The following KCNMB2 variants were observed in gnomAD, a reference collection of about 807,000 sequenced individuals.
KCNMB2 encodes the protein potassium calcium-activated channel subfamily M regulatory beta subunit 2.
A neutral mutation model predicts 24.5 loss-of-function variants in KCNMB2; 9 were observed. The observed-to-expected ratio is 0.37, with a 90% confidence interval of 0.22 to 0.64. KCNMB2 has a LOEUF of 0.64. Among genes scored for constraint, KCNMB2 ranks in the 30% least tolerant of loss-of-function variants. The pLI is 0.63. For synonymous variants in KCNMB2, 109 were observed against 104.4 expected (o/e 1.04, Z -0.27); for missense variants, 226 against 284.3 (o/e 0.79, Z 1.47).
intron 1 of KCNMB2, among the ~76,000 whole-genome samples, chr3:178,603,282 G>T (rs561315207): frequency 6.6e-6 from 1 of 152,124 alleles, no homozygotes; most frequent in Non-Finnish European, 1.5e-5. Flanking sequence ...CACAAAGCAG[G>T]TAGTTAAATA....
intron 1 of KCNMB2, among the ~76,000 whole-genome samples, chr3:178,638,009 T>A (rs1250624612): frequency 6.6e-6 from 1 of 152,174 alleles, no homozygotes; most frequent in Non-Finnish European, 1.5e-5. Flanking sequence ...TGGACACTCA[T>A]CTAAACAGGG....
intron 1 of KCNMB2, among the ~76,000 whole-genome samples, chr3:178,735,357 A>C (rs903161147): frequency 6.6e-6 from 1 of 152,216 alleles, no homozygotes; most frequent in Non-Finnish European, 1.5e-5. Context: ...CAAAAATAAA[A>C]ACTAGTAACA....
Position 178,698,598 on chromosome 3 carries a change from A to G in KCNMB2, c.-67-108745A>G, listed in dbSNP as rs56882768. 1.7e-3 allele frequency among the ~76,000 whole-genome samples: 255 copies of G among 152,282 alleles called. 1 individual carries two copies. The highest frequency in any genetic ancestry group is 5.8e-3 in the African/African-American group (243 of 41,550). On this transcript the variant is annotated intron_variant, in intron 1 of 4. Coordinates refer to ENST00000452583, the MANE Select transcript of KCNMB2 (RefSeq NM_181361.3). ...CAGTGAATTTCTTTCCTATCTATAT[A>G]CCGAATTCTATTTTCTGTCATTTCA...
chr3:178,736,759 T>C (rs1448204897), intron 1 of KCNMB2, among the ~76,000 whole-genome samples: 1 of 152,192 alleles, frequency 6.6e-6, no homozygotes, highest in Admixed American at 6.5e-5. Flanking sequence ...TGAAATATGT[T>C]TAAAGCTAAC....
intron 1 of KCNMB2, among the ~76,000 whole-genome samples, chr3:178,709,802 T>C (rs1722391644): frequency 6.6e-6 from 1 of 152,192 alleles, no homozygotes. Context: ...AGATTTTATT[T>C]GTACTGCTCA....
chr3:178,596,960 G>T (rs1038478076), intron 1 of KCNMB2, among the ~76,000 whole-genome samples: 1 of 152,114 alleles, frequency 6.6e-6, no homozygotes, highest in Admixed American at 6.6e-5. Context: ...TTTCTATGTG[G>T]CATATGGCTG....
At position 178,775,984 on chromosome 3, in the gene KCNMB2, C is replaced by T. The variant is rs144492927; in HGVS notation, c.-67-31359C>T. On this transcript the variant is annotated intron_variant, in intron 1 of 4. Transcript: ENST00000452583. The stretch of plus-strand genomic sequence containing the variant: ...ATCTTAAGCACCCCTTCCCTTCTCA[C>T]CCTGCAGAATTTTCTTAAAAATTCT... Among the ~76,000 whole-genome samples the T allele has an allele frequency of 6.2e-3, 937 of 152,276 alleles. 5 individuals are homozygous for T. Among genetic ancestry groups the T allele is most frequent in the Middle Eastern group, 0.031 (9 of 294 alleles).
chr3:178,573,845 T>C (rs1332436799), intron 1 of KCNMB2, among the ~76,000 whole-genome samples: 1 of 151,856 alleles, frequency 6.6e-6, no homozygotes, highest in Non-Finnish European at 1.5e-5. Context: ...TCTACACGTT[T>C]AGTGTTTAAT....
intron 1 of KCNMB2, among the ~76,000 whole-genome samples, chr3:178,607,628 CGTGTGT>C (rs143508589): frequency 2.0e-5 from 3 of 147,354 alleles, no homozygotes; most frequent in Middle Eastern, 7.0e-3. Flanking sequence ...ATTGTGCATG[CGTGTGT>C]GTGTGTGTGT....
chr3:178,804,696 C>T (rs762705263), intron 1 of KCNMB2, among the ~76,000 whole-genome samples: 2 of 152,096 alleles, frequency 1.3e-5, no homozygotes, highest in Non-Finnish European at 2.9e-5. Flanking sequence ...AGTTTCAAAA[C>T]ATTTATAATT....
chr3:178,628,413 C>T (rs149086551), intron 1 of KCNMB2, among the ~76,000 whole-genome samples: 14 of 152,274 alleles, frequency 9.2e-5, no homozygotes, highest in African/African-American at 3.1e-4. Flanking sequence ...TATCATTTTA[C>T]TTCCTATAAC....
intron 1 of KCNMB2, among the ~76,000 whole-genome samples, chr3:178,791,418 T>C (rs1019051074): frequency 1.3e-5 from 2 of 152,188 alleles, no homozygotes; most frequent in Admixed American, 6.5e-5. Context: ...CAGGCTGTTT[T>C]AAAACACAGT....
chr3:178,554,877 T>C (rs905689968), intron 1 of KCNMB2, among the ~76,000 whole-genome samples: 2 of 152,244 alleles, frequency 1.3e-5, no homozygotes, highest in Non-Finnish European at 2.9e-5. Context: ...GACATGGGTC[T>C]CTGCTCTCTG....
chr3:178,573,134 G>A (rs9832351), intron 1 of KCNMB2, among the ~76,000 whole-genome samples: 80,145 of 151,570 alleles, frequency 0.53, 22,679 homozygotes, highest in African/African-American at 0.75. Flanking sequence ...TCAGCCTCCC[G>A]AGTAGCTGGG....
chr3:178,738,779 G>A (rs779212503), intron 1 of KCNMB2, among the ~76,000 whole-genome samples: 1 of 152,052 alleles, frequency 6.6e-6, no homozygotes, highest in Non-Finnish European at 1.5e-5. Flanking sequence ...TTCCTTCACT[G>A]AAACATAAAC....
intron 1 of KCNMB2, among the ~76,000 whole-genome samples, chr3:178,750,902 A>G (rs1037772367): frequency 6.6e-6 from 1 of 152,202 alleles, no homozygotes; most frequent in Non-Finnish European, 1.5e-5. Flanking sequence ...GTTCTTTTAA[A>G]TTCTGCCTGA....
In KCNMB2 at chr3:178,682,066, C is replaced by T. The variant is rs73044293; in HGVS notation, c.-67-125277C>T. Among the ~76,000 whole-genome samples, 253 of 152,282 alleles carry T rather than the reference C, an allele frequency of 1.7e-3. 1 individual carries two copies. The highest frequency in any genetic ancestry group is 5.8e-3 in the African/African-American group (242 of 41,574). On this transcript the variant is annotated intron_variant, in intron 1 of 4. Coordinates refer to ENST00000452583, the MANE Select transcript of KCNMB2 (RefSeq NM_181361.3). ...TGTGTTACAGTTTTCTAAATGTTCC[C>T]CATCCCCATAGGTAAGTCCCCAGTA...
At chr3:178,807,823 T>C (rs989228905) in intron 2 of KCNMB2, among the ~76,000 whole-genome samples, 1 of 152,112 alleles carries the variant, frequency 6.6e-6, no homozygotes, top group Non-Finnish European at 1.5e-5. Flanking sequence ...GCACTGTACC[T>C]GGCACATGGC....
intron 1 of KCNMB2, among the ~76,000 whole-genome samples, chr3:178,730,157 A>C (rs1024590995): frequency 6.6e-6 from 1 of 152,216 alleles, no homozygotes; most frequent in Non-Finnish European, 1.5e-5. Flanking sequence ...CCAAGAAGTT[A>C]GAGATTCAAA....
Sources: gnomAD v4.1 joint callset for allele counts (sites outside exome capture counted in the v4.1 genomes callset) on GRCh38, gnomAD v4.1.1 for gene constraint, MANE v1.5 for transcripts, NCBI Gene and HGNC (gene_info 2026-07-23, HGNC 2026-07-21) for gene names.